Variants in HSBP1 observed in about 807,000 individuals in gnomAD.
HSBP1 encodes heat shock factor binding protein 1, also known as heat shock factor-binding protein 1.
HSBP1 carries 5 observed loss-of-function variants against 9.6 expected under a neutral mutation model. The observed-to-expected ratio is 0.52, with a 90% confidence interval of 0.27 to 1.09. HSBP1 has a LOEUF of 1.09. HSBP1 is among the 50% of genes least tolerant of loss of function. HSBP1 has a pLI of 0.11. For synonymous variants in HSBP1, 42 were observed against 33.3 expected, an observed-to-expected ratio of 1.26 and a Z score of -0.90; for missense variants, 121 against 96.3, an observed-to-expected ratio of 1.26 and a Z score of -1.07.
chr16:83,818,600 A>C lies in HSBP1; in HGVS notation c.*7182A>C, dbSNP rs1367540916. ...TCAATGGAGGTCGTAATTTGCTTTT[A>C]TGCTGTATTAAACACCACTGAGATG... On this transcript the variant is annotated 3_prime_UTR_variant, in exon 4 of 4. Transcript: ENST00000433866. 6.6e-6 allele frequency: 1 copy of C among 152,172 alleles called. No homozygotes were observed. Among genetic ancestry groups the C allele is most frequent in the Non-Finnish European group, 1.5e-5 (1 of 68,016 alleles). 9.4% of individuals were successfully genotyped at this position (152,172 alleles called of 1,614,324 possible). A position where few individuals can be genotyped will look rare whatever the true frequency, so the allele number is the denominator to read the frequency against.
chr16:83,808,050 A>C lies in HSBP1; in HGVS notation c.-27A>C. The stretch of plus-strand genomic sequence containing the variant: ...GGAAGTGTAGGTTACGGTCTGAGAC[A>C]TCACCGCCAAGCTGGGCATCGGGGA... On this transcript the variant is annotated 5_prime_UTR_variant, in exon 1 of 4. Transcript: ENST00000433866. The C allele has an allele frequency of 6.5e-7, 1 of 1,537,674 alleles. No individual in the cohort carries two copies. Among genetic ancestry groups the C allele is most frequent in the Non-Finnish European group, 8.8e-7 (1 of 1,140,582 alleles).
In HSBP1 at chr16:83,816,154, T is replaced by A. The variant is rs1024640957; in HGVS notation, c.*4736T>A. 1 of 152,234 alleles carries A rather than the reference T, an allele frequency of 6.6e-6. No homozygotes were observed. The highest frequency in any genetic ancestry group is 2.4e-5 in the African/African-American group (1 of 41,438). The allele number at this position is 152,234 out of a possible 1,614,324, so 9.4% of individuals were successfully genotyped here. The stretch of plus-strand genomic sequence containing the variant: ...TGGCTCATGCCTGTAATCCCAGCAC[T>A]TTGGGAGGCCGAGGTGGGTGGATCA... On this transcript the variant is annotated 3_prime_UTR_variant, in exon 4 of 4. Transcript: ENST00000433866.
At chr16:83,808,972 T>C (rs1904531728) in intron 2 of HSBP1, 1 of 574,792 alleles carries the variant, frequency 1.7e-6, no homozygotes, top group African/African-American at 1.9e-5. Context: ...TAATAGCTGG[T>C]GTGGTGGACC....
Position 83,809,316 on chromosome 16 carries a change from A to G in HSBP1, c.124A>G (p.Ser42Gly). Residue 42 changes from serine to glycine, a missense_variant, in exon 3 of 4, where the codon AGT becomes GGT. Transcript: ENST00000433866. ...TTTAACTTCAGCACTTGATGATATG[A>G]GTAGTCGCATTGATGATCTGGAAAA... ...DQIIGRIDDM[S>G]SRIDDLEKNI... 1 of 1,589,494 alleles carries G rather than the reference A, an allele frequency of 6.3e-7. No homozygotes were observed. Among genetic ancestry groups the G allele is most frequent in the Non-Finnish European group, 8.6e-7 (1 of 1,165,414 alleles).
intron 3 of HSBP1, among the ~76,000 whole-genome samples, chr16:83,810,967 C>A (rs1707348091): frequency 6.6e-6 from 1 of 152,178 alleles, no homozygotes; most frequent in Admixed American, 6.5e-5. Context: ...AAGACAGACT[C>A]TAAAATTTGC....
At position 83,815,986 on chromosome 16, in the gene HSBP1, A is replaced by G. The variant is rs1904711321; in HGVS notation, c.*4568A>G. 1 of 152,238 alleles carries G rather than the reference A, an allele frequency of 6.6e-6. No homozygotes were observed. The highest frequency in any genetic ancestry group is 2.1e-4 in the South Asian group (1 of 4,838). 9.4% of individuals were successfully genotyped at this position (152,238 alleles called of 1,614,324 possible). On this transcript the variant is annotated 3_prime_UTR_variant, in exon 4 of 4. Transcript: ENST00000433866. ...AGGATCCAGCAGCTTAGAAGCGTTT[A>G]GCTACCAATAGCAAAAATCAGCCCT...
rs1369251468 is a variant in HSBP1 at position 83,818,900 on chromosome 16, G to A, written c.*7482G>A. The A allele has an allele frequency of 6.6e-6, 1 of 152,214 alleles. No homozygotes were observed. Among genetic ancestry groups the A allele is most frequent in the Non-Finnish European group, 1.5e-5 (1 of 68,036 alleles). 9.4% of individuals were successfully genotyped at this position (152,214 alleles called of 1,614,324 possible). On this transcript the variant is annotated 3_prime_UTR_variant, in exon 4 of 4. Transcript: ENST00000433866. Reference sequence around the variant, plus strand: ...CCTTGGAGACATTTCCCATAGGGCAGTGGTTCTTAAAATACGTTCCTGAAC... The same window carrying A: ...CCTTGGAGACATTTCCCATAGGGCAATGGTTCTTAAAATACGTTCCTGAAC...
intron 3 of HSBP1, among the ~76,000 whole-genome samples, 184 bp from the exon 4 acceptor site, chr16:83,811,237 G>A (rs1904594271): frequency 6.6e-6 from 1 of 152,226 alleles, no homozygotes; most frequent in African/African-American, 2.4e-5. Flanking sequence ...GTGGGAGTAG[G>A]AAACTGACTC....
In HSBP1 at chr16:83,812,720, C is replaced by G. The variant is rs1369500022; in HGVS notation, c.*1302C>G. On this transcript the variant is annotated 3_prime_UTR_variant, in exon 4 of 4. Transcript: ENST00000433866. ...CCACTCTGGTTACCCAACTACAGAA[C>G]CTCCTTTGATCAGGCCAGTAGGTTG... 1 of 152,230 alleles carries G rather than the reference C, an allele frequency of 6.6e-6. No individual in the cohort carries two copies. Among genetic ancestry groups the G allele is most frequent in the Non-Finnish European group, 1.5e-5 (1 of 68,060 alleles). 9.4% of individuals were successfully genotyped at this position (152,230 alleles called of 1,614,324 possible).
chr16:83,808,577 C>G (rs1904518426), intron 1 of HSBP1, 103 bp from the exon 2 acceptor site: 8 of 840,278 alleles, frequency 9.5e-6, no homozygotes, highest in Non-Finnish European at 1.5e-5. Flanking sequence ...TGTCCAGAGG[C>G]AGAAATGGGG....
Position 83,809,344 on chromosome 16 carries a change from A to G in HSBP1, c.152A>G (p.Asn51Ser). Residue 51 changes from asparagine to serine, a missense_variant, in exon 3 of 4, where the codon AAT becomes AGT. By Grantham distance (46) the Asn-to-Ser change is conservative (BLOSUM62 1). Transcript: ENST00000433866. ...AGTCGCATTGATGATCTGGAAAAGAATATCGCGGACCTCATGACACAGGCT... is the reference window on the plus strand; with the variant it reads ...AGTCGCATTGATGATCTGGAAAAGAGTATCGCGGACCTCATGACACAGGCT... ...MSSRIDDLEKNIADLMTQAGV... is the reference protein window; with the variant it reads ...MSSRIDDLEKSIADLMTQAGV... The G allele has an allele frequency of 1.2e-6, 2 of 1,603,234 alleles. No individual in the cohort carries two copies. The highest frequency in any genetic ancestry group is 1.7e-6 in the Non-Finnish European group (2 of 1,174,724).
intron 3 of HSBP1, among the ~76,000 whole-genome samples, 181 bp downstream of exon 3, chr16:83,809,606 A>G (rs912937039): frequency 2.6e-5 from 4 of 151,016 alleles, no homozygotes; most frequent in African/African-American, 9.8e-5. Context: ...AGTAGCTGGG[A>G]TTACAGGCTT....
At chr16:83,809,564 G>T (rs1464640993) in intron 3 of HSBP1, 139 bp downstream of exon 3, 2 of 553,198 alleles carry the variant, frequency 3.6e-6, no homozygotes, top group Non-Finnish European at 6.4e-6. Context: ...TGCCCTCCTG[G>T]GTTCAAACGA....
chr16:83,808,179 G>T (rs1213152320), intron 1 of HSBP1, 58 bp downstream of exon 1: 2 of 1,464,558 alleles, frequency 1.4e-6, no homozygotes, highest in African/African-American at 1.4e-5. Flanking sequence ...GCCGGGCCAA[G>T]CCCTGCTGGA....
In HSBP1 at chr16:83,808,208, G is replaced by T. The variant is rs1206007627; in HGVS notation, c.45+87G>T. 3.5e-6 allele frequency: 4 copies of T among 1,131,626 alleles called. No individual in the cohort carries two copies. In the African/African-American group the frequency reaches 5.0e-5, roughly 14 times the overall value. The allele number at this position is 1,131,626 out of a possible 1,614,324, so 70.1% of individuals were successfully genotyped here. ...TGCTGGACAGAGGCGCGCCCACCGC[G>T]GCCGCGCGTGGCGTCTGCCGAGGCC... On this transcript the variant is annotated intron_variant, in intron 1 of 3. Coordinates refer to ENST00000433866, the MANE Select transcript of HSBP1 (RefSeq NM_001537.4).
In HSBP1 at chr16:83,816,742, A is replaced by C. The variant is rs963471645; in HGVS notation, c.*5324A>C. On this transcript the variant is annotated 3_prime_UTR_variant, in exon 4 of 4. Transcript: ENST00000433866. ...CACCCCAAAGAGTGGCACAGCCCCA[A>C]GTGTCAACAGTGCTGAGGTTGAGGA... 1 of 152,230 alleles carries C rather than the reference A, an allele frequency of 6.6e-6. No homozygotes were observed. The highest frequency in any genetic ancestry group is 1.5e-5 in the Non-Finnish European group (1 of 68,082). The allele number at this position is 152,230 out of a possible 1,614,324, so 9.4% of individuals were successfully genotyped here.
intron 2 of HSBP1, among the ~76,000 whole-genome samples, 164 bp downstream of exon 2, chr16:83,808,910 G>C (rs898607961): frequency 2.0e-5 from 3 of 152,186 alleles, no homozygotes; most frequent in Non-Finnish European, 2.9e-5. Context: ...CCGAGAGCTA[G>C]GGGCAAAGCT....
In HSBP1 at chr16:83,814,854, GA is replaced by G. The variant is rs1904682842; in HGVS notation, c.*3438del. 6.6e-6 allele frequency: 1 copy of G among 152,012 alleles called. No individual in the cohort carries two copies. The highest frequency in any genetic ancestry group is 1.5e-5 in the Non-Finnish European group (1 of 68,016). The allele number at this position is 152,012 out of a possible 1,614,324, so 9.4% of individuals were successfully genotyped here. A position where few individuals can be genotyped will look rare whatever the true frequency, so the allele number is the denominator to read the frequency against. On this transcript the variant is annotated 3_prime_UTR_variant, in exon 4 of 4. Transcript: ENST00000433866. ...CATTTGCCCAGAGCACAACCACGGG[GA>G]ATATGAACCACAGGTTTTCACATTG...
chr16:83,810,941 C>G (rs1241518521), intron 3 of HSBP1, among the ~76,000 whole-genome samples: 1 of 152,168 alleles, frequency 6.6e-6, no homozygotes, highest in Non-Finnish European at 1.5e-5. Flanking sequence ...CTGTGAAATA[C>G]AGATTTGGGA....
Sources: gnomAD v4.1 joint callset for allele counts (sites outside exome capture counted in the v4.1 genomes callset) on GRCh38, gnomAD v4.1.1 for gene constraint, MANE v1.5 for transcripts, NCBI Gene and HGNC (gene_info 2026-07-23, HGNC 2026-07-21) for gene names.